Variants in GPHN observed in about 807,000 individuals in gnomAD.
GPHN encodes gephyrin.
In GPHN, 17 loss-of-function variants were observed where a neutral mutation model predicts 95.5. The observed-to-expected ratio is 0.18, with a 90% CI of 0.12 to 0.27. GPHN has a LOEUF of 0.27. Among genes scored for constraint, GPHN ranks in the 10% least tolerant of loss-of-function variants. The probability of loss-of-function intolerance (pLI) is 1.00; values close to 1 mark genes in which losing one functional copy is unlikely to be tolerated. For synonymous variants in GPHN, 320 were observed against 322.5 expected (o/e 0.99, Z 0.08); for missense variants, 660 against 978.1 (o/e 0.67, Z 4.34).
At chr14:67,390,708 A>G in the GPHN span, 1 of 1,613,980 alleles carries the variant, frequency 6.2e-7, no homozygotes, top group Non-Finnish European at 8.5e-7. Context: ...CCTTCCTTAG[A>G]ACAAAGCGAC....
chr14:66,600,995 G>A (rs888500096), intron 1 of GPHN, among the ~76,000 whole-genome samples: 1 of 151,932 alleles, frequency 6.6e-6, no homozygotes, highest in Non-Finnish European at 1.5e-5. Context: ...AGGATTGATC[G>A]TATTTCTTTG....
At chr14:67,712,600 A>G in the GPHN span, among the ~76,000 whole-genome samples, 5 of 151,954 alleles carry the variant, frequency 3.3e-5, no homozygotes, top group Admixed American at 3.3e-4. Context: ...TTAGCTTTTA[A>G]TTAAGCTGAC....
At chr14:67,496,946 C>T in the GPHN span, among the ~76,000 whole-genome samples, 62 of 152,002 alleles carry the variant, frequency 4.1e-4, no homozygotes, top group African/African-American at 1.3e-3. Context: ...TACAGGTGCC[C>T]GCCACCACAC....
the GPHN span, chr14:67,392,357 G>C: frequency 6.2e-7 from 1 of 1,612,932 alleles, no homozygotes; most frequent in Non-Finnish European, 8.5e-7. Context: ...TTTCACCACC[G>C]TGCCACTTAA....
chr14:67,651,263 G>A, the GPHN span: 1 of 1,571,040 alleles, frequency 6.4e-7, no homozygotes, highest in Non-Finnish European at 8.6e-7. Flanking sequence ...CCACAGCCTG[G>A]CTATACAGTG....
chr14:66,587,392 G>A (rs886866250), intron 1 of GPHN, among the ~76,000 whole-genome samples: 6 of 152,154 alleles, frequency 3.9e-5, no homozygotes, highest in African/African-American at 1.4e-4. Context: ...AGGCCTGTAT[G>A]ACCCTGATAC....
the GPHN span, chr14:67,581,588 G>A: frequency 5.9e-6 from 1 of 170,240 alleles, no homozygotes; most frequent in African/African-American, 2.4e-5. Context: ...GTTACTTTAT[G>A]AGAGTGAAAT....
the GPHN span, among the ~76,000 whole-genome samples, chr14:67,485,064 A>G: frequency 6.6e-6 from 1 of 152,236 alleles, no homozygotes; most frequent in Non-Finnish European, 1.5e-5. Context: ...ATTACCTTTA[A>G]TGCCTGTAAT....
At chr14:67,087,839 C>T (rs1462122666) in intron 11 of GPHN, among the ~76,000 whole-genome samples, 1 of 152,126 alleles carries the variant, frequency 6.6e-6, no homozygotes, top group Non-Finnish European at 1.5e-5. Flanking sequence ...TCCTATATTA[C>T]TTGTCTTGGT....
chr14:66,782,731 G>A lies in GPHN; in HGVS notation c.201+6210G>A, dbSNP rs116430626. 7.0e-3 allele frequency among the ~76,000 whole-genome samples: 1,068 copies of A among 152,296 alleles called. 5 individuals are homozygous for A. The highest frequency in any genetic ancestry group is 0.025 in the African/African-American group (1,021 of 41,560). ...TGTAGTCCCAGCTACCTGAGAGGCT[G>A]AGGCAAGAGAAGAATCGCTTGAACC... On this transcript the variant is annotated intron_variant, in intron 3 of 22. Coordinates refer to ENST00000478722, the MANE Select transcript of GPHN (RefSeq NM_020806.5).
chr14:67,473,906 G>A, the GPHN span: 3 of 1,605,376 alleles, frequency 1.9e-6, no homozygotes, highest in Non-Finnish European at 2.6e-6. This position sits in a 1 kb window ranked among gnomAD's most constrained non-coding sequence, Gnocchi z 6.5. Context: ...GCGCCGTCAG[G>A]GGCTCGGCAG....
chr14:67,704,569 A>G, the GPHN span, among the ~76,000 whole-genome samples: 1 of 152,198 alleles, frequency 6.6e-6, no homozygotes. Flanking sequence ...GATGGTAAGT[A>G]TTATACCTAA....
rs186685717 is a variant in GPHN at position 66,902,964 on chromosome 14, T to C, written c.390-13039T>C. 4.6e-5 allele frequency among the ~76,000 whole-genome samples: 7 copies of C among 152,192 alleles called. No homozygotes were observed. The East Asian group carries it at 9.6e-4, about 21-fold the overall frequency. ...TTCCAAACTACCATCAGAGATACTA[T>C]AAATACCTCTACACAAATAAACTAG... On this transcript the variant is annotated intron_variant, in intron 5 of 22. Coordinates refer to ENST00000478722, the MANE Select transcript of GPHN (RefSeq NM_020806.5).
the GPHN span, among the ~76,000 whole-genome samples, chr14:67,603,710 T>C: frequency 6.6e-6 from 1 of 152,170 alleles, no homozygotes; most frequent in Non-Finnish European, 1.5e-5. Flanking sequence ...GGAGTTTTGC[T>C]CTTGTTACCC....
the GPHN span, among the ~76,000 whole-genome samples, chr14:67,378,423 G>C: frequency 6.8e-6 from 1 of 147,888 alleles, no homozygotes; most frequent in South Asian, 2.1e-4. Flanking sequence ...TGGTATAAAT[G>C]CTATTATTAT....
chr14:66,970,147 G>GT, intron 9 of GPHN, among the ~76,000 whole-genome samples: 1 of 145,834 alleles, frequency 6.9e-6, no homozygotes, highest in African/African-American at 2.5e-5. Context: ...TCTAATTGAA[G>GT]TTATCAATAT....
intron 10 of GPHN, among the ~76,000 whole-genome samples, chr14:67,034,419 G>A (rs908657934): frequency 2.6e-5 from 4 of 151,868 alleles, no homozygotes; most frequent in African/African-American, 4.8e-5. Context: ...GCTACAAGAC[G>A]GACAGAAAAC....
At chr14:67,219,082 G>A in the GPHN span, among the ~76,000 whole-genome samples, 2 of 152,024 alleles carry the variant, frequency 1.3e-5, no homozygotes, top group Non-Finnish European at 2.9e-5. Flanking sequence ...TCAAGCAGCA[G>A]TTTGGCTCAC....
intron 4 of GPHN, among the ~76,000 whole-genome samples, chr14:66,836,547 T>A: frequency 7.3e-6 from 1 of 136,140 alleles, no homozygotes; most frequent in East Asian, 2.3e-4. Flanking sequence ...GGACTTCATG[T>A]CTAAAACACC....
Sources: gnomAD v4.1 joint callset for allele counts (sites outside exome capture counted in the v4.1 genomes callset) on GRCh38, gnomAD v4.1.1 for gene constraint, Gnocchi (gnomAD v3.1) non-coding constraint, MANE v1.5 for transcripts, NCBI Gene and HGNC (gene_info 2026-07-23, HGNC 2026-07-21) for gene names.